The following TANGO6 variants were observed in gnomAD, a reference collection of about 807,000 sequenced individuals.
TANGO6 encodes the protein transport and golgi organization 6 homolog, also known as transport and Golgi organization protein 6 homolog.
Under a neutral mutation model 114.2 loss-of-function variants are expected in TANGO6, and 90 were observed. That is an observed-to-expected ratio of 0.79 (90% confidence interval 0.66 to 0.94). The LOEUF is 0.94. Ranked by LOEUF, TANGO6 falls within the 40% of genes least tolerant of loss-of-function variation. TANGO6 has a pLI of 0.00. For synonymous variants in TANGO6, 477 were observed against 509.8 expected (o/e 0.94, Z 0.87); for missense variants, 1,274 against 1,315.3 (o/e 0.97, Z 0.49).
At chr16:69,017,300 A>C (rs1442574016) in intron 15 of TANGO6, among the ~76,000 whole-genome samples, 4 of 152,178 alleles carry the variant, frequency 2.6e-5, no homozygotes, top group Non-Finnish European at 5.9e-5. Context: ...CTTGCTTATG[A>C]TTAGTCCCCC....
intron 17 of TANGO6, among the ~76,000 whole-genome samples, chr16:69,050,650 C>T (rs945639006): frequency 9.9e-5 from 15 of 152,008 alleles, no homozygotes; most frequent in African/African-American, 2.7e-4. Context: ...CCACCATGCC[C>T]GGCTAATTTT....
At chr16:68,944,811 C>G (rs969234353) in intron 14 of TANGO6, among the ~76,000 whole-genome samples, 1 of 152,158 alleles carries the variant, frequency 6.6e-6, no homozygotes, top group Non-Finnish European at 1.5e-5. Context: ...TTTGCAGAAG[C>G]AAGAATTGCA....
intron 12 of TANGO6, among the ~76,000 whole-genome samples, chr16:68,924,380 G>A (rs140801538): frequency 1.6e-3 from 238 of 151,870 alleles, no homozygotes; most frequent in African/African-American, 5.0e-3. Flanking sequence ...TCAGCTACTC[G>A]GGAGGCTGAG....
intron 6 of TANGO6, among the ~76,000 whole-genome samples, 177 bp downstream of exon 6, chr16:68,878,457 A>G (rs901641523): frequency 1.8e-4 from 28 of 152,184 alleles, no homozygotes; most frequent in African/African-American, 6.5e-4. Flanking sequence ...TGAACTACCC[A>G]TATACAGATC....
intron 4 of TANGO6, among the ~76,000 whole-genome samples, chr16:68,870,082 G>T (rs1962245160): frequency 6.6e-6 from 1 of 152,178 alleles, no homozygotes; most frequent in Admixed American, 6.5e-5. Context: ...CTATCTGGAG[G>T]TATTGTGAAG....
intron 15 of TANGO6, among the ~76,000 whole-genome samples, chr16:69,007,512 G>T (rs1263186801): frequency 6.6e-6 from 1 of 151,726 alleles, no homozygotes; most frequent in Admixed American, 6.6e-5. Flanking sequence ...TGATCCATCC[G>T]CCTCGGTCTC....
chr16:69,006,197 G>C (rs1964090736), intron 15 of TANGO6, among the ~76,000 whole-genome samples: 1 of 152,058 alleles, frequency 6.6e-6, no homozygotes, highest in Non-Finnish European at 1.5e-5. Flanking sequence ...GAAGAATCCA[G>C]ATCTCCTGCC....
chr16:68,898,503 T>C (rs1043763046), intron 7 of TANGO6, among the ~76,000 whole-genome samples: 1 of 152,068 alleles, frequency 6.6e-6, no homozygotes, highest in Non-Finnish European at 1.5e-5. Flanking sequence ...TATTGTGTTG[T>C]ATTGTATTTT....
chr16:69,058,824 C>A (rs1272288153), intron 17 of TANGO6, among the ~76,000 whole-genome samples: 1 of 151,954 alleles, frequency 6.6e-6, no homozygotes, highest in Non-Finnish European at 1.5e-5. Context: ...CGCCACCACA[C>A]CTGGCTAATT....
intron 15 of TANGO6, among the ~76,000 whole-genome samples, chr16:68,988,947 C>T (rs1294308295): frequency 6.6e-6 from 1 of 152,116 alleles, no homozygotes; most frequent in Admixed American, 6.6e-5. Flanking sequence ...GCTCACTGCA[C>T]CTCGACCTCG....
At chr16:68,896,550 A>G (rs1200958492) in intron 7 of TANGO6, among the ~76,000 whole-genome samples, 2 of 151,718 alleles carry the variant, frequency 1.3e-5, no homozygotes, top group Non-Finnish European at 2.9e-5. Flanking sequence ...GGCACAAGTG[A>G]TCTTCCCACC....
At chr16:68,913,411 T>C (rs1181198020) in intron 11 of TANGO6, among the ~76,000 whole-genome samples, 2 of 145,198 alleles carry the variant, frequency 1.4e-5, no homozygotes, top group African/African-American at 5.1e-5. Context: ...TTAATTTTTT[T>C]TTTTTTTTTT....
intron 14 of TANGO6, among the ~76,000 whole-genome samples, chr16:68,970,461 A>T (rs1224667530): frequency 6.6e-6 from 1 of 151,862 alleles, no homozygotes; most frequent in East Asian, 2.0e-4. Flanking sequence ...TGAGGTCAGG[A>T]GTTTGAGACC....
intron 7 of TANGO6, among the ~76,000 whole-genome samples, chr16:68,889,237 G>A (rs1283749705): frequency 6.6e-6 from 1 of 152,148 alleles, no homozygotes; most frequent in Admixed American, 6.5e-5. Flanking sequence ...TACAATTGAT[G>A]AGCCCACCTT....
intron 15 of TANGO6, among the ~76,000 whole-genome samples, chr16:68,987,142 G>T (rs1013066298): frequency 2.6e-5 from 3 of 114,218 alleles, no homozygotes; most frequent in Non-Finnish European, 5.3e-5. Context: ...CTGTGGATGG[G>T]TATCCATTTT....
chr16:69,006,686 G>C lies in TANGO6; in HGVS notation c.2843-16142G>C, dbSNP rs541292004. The stretch of plus-strand genomic sequence containing the variant: ...GAATCCCTTGAACCTGGAAGGCGGT[G>C]GTTGCAGTGAACTGAGATCGCACCA... On this transcript the variant is annotated intron_variant, in intron 15 of 17. Coordinates refer to ENST00000261778, the MANE Select transcript of TANGO6 (RefSeq NM_024562.2). Among the ~76,000 whole-genome samples the C allele has an allele frequency of 2.6e-4, 40 of 152,272 alleles. No homozygotes were observed. The South Asian group carries it at 7.5e-3, about 28-fold the overall frequency.
chr16:68,844,481 A>G (rs1192148730), intron 1 of TANGO6, among the ~76,000 whole-genome samples: 1 of 152,052 alleles, frequency 6.6e-6, no homozygotes, highest in African/African-American at 2.4e-5. Context: ...TGGAAGATAG[A>G]GCTCTGCTTA....
chr16:68,977,628 G>A (rs1367941636), intron 15 of TANGO6, among the ~76,000 whole-genome samples: 4 of 150,534 alleles, frequency 2.7e-5, no homozygotes, highest in Non-Finnish European at 4.4e-5. Context: ...TCTTGAACCC[G>A]GGAGGCAGAG....
intron 15 of TANGO6, among the ~76,000 whole-genome samples, chr16:68,981,783 T>G (rs1307274325): frequency 6.6e-6 from 1 of 152,206 alleles, no homozygotes; most frequent in African/African-American, 2.4e-5. Flanking sequence ...CAAAACGTTT[T>G]GAGCACTGAC....
Sources: gnomAD v4.1 joint callset for allele counts (sites outside exome capture counted in the v4.1 genomes callset) on GRCh38, gnomAD v4.1.1 for gene constraint, MANE v1.5 for transcripts, NCBI Gene and HGNC (gene_info 2026-07-23, HGNC 2026-07-21) for gene names.